The following DYNC2I1 variants were observed in gnomAD, a reference collection of about 807,000 sequenced individuals.
DYNC2I1 encodes cytoplasmic dynein 2 intermediate chain 1.
Under a neutral mutation model 133.4 loss-of-function variants are expected in DYNC2I1, and 89 were observed. The observed-to-expected ratio is 0.67, with a 90% CI of 0.56 to 0.80. DYNC2I1 has a LOEUF of 0.80. Among genes scored for constraint, DYNC2I1 ranks in the 30% least tolerant of loss-of-function variants. DYNC2I1 has a pLI of 0.00. For synonymous variants in DYNC2I1, 504 were observed against 484.3 expected (o/e 1.04, Z -0.54); for missense variants, 1,291 against 1,314.5 (o/e 0.98, Z 0.28).
chr7:158,927,262 G>T (rs1310616952), intron 20 of DYNC2I1, among the ~76,000 whole-genome samples: 1 of 151,856 alleles, frequency 6.6e-6, no homozygotes, highest in Non-Finnish European at 1.5e-5. Context: ...AATTGGCTGG[G>T]CGTGGTGGCA....
At chr7:158,866,732 A>G (rs1037668668) in intron 1 of DYNC2I1, among the ~76,000 whole-genome samples, 7 of 151,916 alleles carry the variant, frequency 4.6e-5, no homozygotes, top group African/African-American at 9.7e-5. Flanking sequence ...TAAAATTACG[A>G]AACTTAGCCG....
chr7:158,916,699 G>A (rs559859395), intron 14 of DYNC2I1, among the ~76,000 whole-genome samples: 1 of 73,798 alleles, frequency 1.4e-5, no homozygotes, highest in African/African-American at 4.7e-5. Flanking sequence ...AAGGATGATT[G>A]TGAAACGTCT....
intron 7 of DYNC2I1, among the ~76,000 whole-genome samples, chr7:158,890,297 G>A (rs1406193446): frequency 6.6e-6 from 1 of 151,898 alleles, no homozygotes; most frequent in East Asian, 1.9e-4. Context: ...GTAACCAATG[G>A]GATATTTTAC....
At chr7:158,925,415 G>A (rs992335453) in intron 17 of DYNC2I1, among the ~76,000 whole-genome samples, 3 of 152,148 alleles carry the variant, frequency 2.0e-5, no homozygotes, top group Non-Finnish European at 4.4e-5. Context: ...CCTTTGAGGA[G>A]ATGTGATTCC....
intron 11 of DYNC2I1, among the ~76,000 whole-genome samples, chr7:158,910,350 C>T (rs575805121): frequency 6.7e-6 from 1 of 149,032 alleles, no homozygotes; most frequent in East Asian, 2.0e-4. Flanking sequence ...GCATGATGGG[C>T]TGTGTCAGGC....
intron 8 of DYNC2I1, among the ~76,000 whole-genome samples, chr7:158,894,626 G>T (rs1182653058): frequency 6.6e-6 from 1 of 152,170 alleles, no homozygotes; most frequent in African/African-American, 2.4e-5. Flanking sequence ...CCAAGTTTTG[G>T]CAAGTATGAA....
At chr7:158,869,804 C>A in intron 1 of DYNC2I1, 51 bp from the exon 2 acceptor site, 1 of 1,466,182 alleles carries the variant, frequency 6.8e-7, no homozygotes, top group Non-Finnish European at 9.3e-7. Context: ...CTCACTACAA[C>A]ACTGAAAATA....
chr7:158,894,277 C>T (rs578007676), intron 8 of DYNC2I1, among the ~76,000 whole-genome samples: 1 of 152,254 alleles, frequency 6.6e-6, no homozygotes, highest in African/African-American at 2.4e-5. Context: ...TATCCTACCA[C>T]ATGTCCTACT....
chr7:158,902,143 G>A (rs1297560203), intron 9 of DYNC2I1, among the ~76,000 whole-genome samples: 1 of 152,170 alleles, frequency 6.6e-6, no homozygotes, highest in Non-Finnish European at 1.5e-5. Flanking sequence ...TAGTTGATAG[G>A]TCTTCTGTAT....
chr7:158,901,983 A>T (rs889367847), intron 9 of DYNC2I1, among the ~76,000 whole-genome samples, 167 bp downstream of exon 9: 4 of 152,206 alleles, frequency 2.6e-5, no homozygotes, highest in African/African-American at 9.6e-5. Context: ...TGCTTGCTAT[A>T]CTTCTACTAA....
In DYNC2I1 at chr7:158,953,655, T is replaced by C. The variant is rs913016171; in HGVS notation, c.*57-2928T>C. On this transcript the variant is annotated intron_variant and NMD_transcript_variant, in intron 4 of 4. Coordinates refer to the DYNC2I1 transcript ENST00000454771. ...TCCCAGCTACTCAAGACGGCTGAGG[T>C]AGGAGAATGGCTTGAGCTGGAGAGG... is the stretch of plus-strand genomic sequence containing the variant. Among the ~76,000 whole-genome samples the C allele has an allele frequency of 3.4e-4, 52 of 151,942 alleles. 1 individual carries two copies. Among genetic ancestry groups the C allele is most frequent in the Non-Finnish European group, 2.9e-5 (2 of 67,992 alleles).
intron 3 of DYNC2I1, among the ~76,000 whole-genome samples, chr7:158,872,989 T>TAA (rs899113805): frequency 6.9e-6 from 1 of 144,610 alleles, no homozygotes; most frequent in Non-Finnish European, 1.5e-5. Flanking sequence ...AGACTCTGTC[T>TAA]AAAAAAAAAA....
intron 10 of DYNC2I1, chr7:158,905,140 C>CTCTTTTTTTT (rs1846641407): frequency 3.5e-6 from 1 of 285,162 alleles, no homozygotes; most frequent in Non-Finnish European, 6.7e-6. Flanking sequence ...CTTTCTTTTT[C>CTCTTTTTTTT]TTTTTTTTTT....
upstream of DYNC2I1, among the ~76,000 whole-genome samples, chr7:158,851,743 G>A (rs1841064888): frequency 6.6e-6 from 1 of 152,166 alleles, no homozygotes; most frequent in South Asian, 2.1e-4. Flanking sequence ...TGTAACACTT[G>A]TTACTGATGA....
chr7:158,928,744 C>T (rs981010587), intron 20 of DYNC2I1, among the ~76,000 whole-genome samples: 12 of 148,690 alleles, frequency 8.1e-5, no homozygotes, highest in Non-Finnish European at 1.2e-4. Flanking sequence ...ACACAGGTCA[C>T]GGGATGGGTT....
At chr7:158,929,988 G>T (rs1430929782) in intron 20 of DYNC2I1, among the ~76,000 whole-genome samples, 1 of 152,210 alleles carries the variant, frequency 6.6e-6, no homozygotes, top group Admixed American at 6.5e-5. Context: ...GAGCCACTCT[G>T]CCTCCTGTGC....
chr7:158,947,817 G>A (rs528719911), downstream of DYNC2I1, among the ~76,000 whole-genome samples: 40 of 152,364 alleles, frequency 2.6e-4, no homozygotes, highest in African/African-American at 8.4e-4. Context: ...CCCAGCTGCC[G>A]TGTCTGACGC....
chr7:158,868,259 A>G (rs1350795220), intron 1 of DYNC2I1, among the ~76,000 whole-genome samples: 1 of 152,096 alleles, frequency 6.6e-6, no homozygotes, highest in African/African-American at 2.4e-5. Flanking sequence ...ACAGTTGGAT[A>G]CCTGGTGAGC....
chr7:158,911,619 A>C lies in DYNC2I1; in HGVS notation c.1530A>C (p.Leu510=). The stretch of plus-strand genomic sequence containing the variant: ...CATTTACTTTCTCTCTCTTGGATCT[A>C]CCACCAGTAAATGAATATGACATGT... The part of the protein sequence containing the change: ...DFSFTFSLLD[L]PPVNEYDMYI... Residue 510 remains leucine (L), a synonymous_variant, in exon 12 of 25, where the codon CTA becomes CTC. Transcript: ENST00000407559. The C allele has an allele frequency of 1.9e-6, 3 of 1,613,612 alleles. No individual in the cohort carries two copies. The highest frequency in any genetic ancestry group is 2.5e-6 in the Non-Finnish European group (3 of 1,179,742).
Sources: gnomAD v4.1 joint callset for allele counts (sites outside exome capture counted in the v4.1 genomes callset) on GRCh38, gnomAD v4.1.1 for gene constraint, MANE v1.5 for transcripts, NCBI Gene and HGNC (gene_info 2026-07-23, HGNC 2026-07-21) for gene names.